SOCS5: variants seen among roughly 807,000 people sequenced by gnomAD.
SOCS5 encodes the protein suppressor of cytokine signaling 5, also known as CIS-6.
A neutral mutation model predicts 42.8 loss-of-function variants in SOCS5; 32 were observed. That is an observed-to-expected ratio of 0.75 (90% CI 0.56 to 1.01). The LOEUF (loss-of-function observed/expected upper bound fraction) is 1.01. Among genes scored for constraint, SOCS5 ranks in the 50% least tolerant of loss-of-function variants. SOCS5 has a pLI of 0.00. For missense variants in SOCS5, 627 were observed against 653.0 expected (o/e 0.96, Z 0.43); for synonymous variants, 283 against 229.6 (o/e 1.23, Z -2.10).
At chr2:46,719,516 G>T (rs189489445) in intron 1 of SOCS5, among the ~76,000 whole-genome samples, 1 of 152,038 alleles carries the variant, frequency 6.6e-6, no homozygotes, top group Non-Finnish European at 1.5e-5. Flanking sequence ...TTCTCAGCCA[G>T]TGTTCCTGCC....
chr2:46,738,366 G>A (rs1296868596), intron 1 of SOCS5, among the ~76,000 whole-genome samples: 2 of 152,088 alleles, frequency 1.3e-5, no homozygotes, highest in Non-Finnish European at 2.9e-5. Flanking sequence ...GGGACATCTT[G>A]AAAAAAGAAA....
At chr2:46,732,330 T>C (rs1439314984) in intron 1 of SOCS5, among the ~76,000 whole-genome samples, 1 of 152,144 alleles carries the variant, frequency 6.6e-6, no homozygotes, top group Non-Finnish European at 1.5e-5. Context: ...ACAGGGAAGA[T>C]GATGAGTGAA....
chr2:46,744,056 C>T (rs6711782), intron 1 of SOCS5, among the ~76,000 whole-genome samples: 7,224 of 151,892 alleles, frequency 0.048, 633 homozygotes, highest in African/African-American at 0.17. Context: ...GTGGCGCAAT[C>T]TCAGCTCACT....
At chr2:46,751,388 A>G (rs1673619446) in intron 1 of SOCS5, among the ~76,000 whole-genome samples, 1 of 152,108 alleles carries the variant, frequency 6.6e-6, no homozygotes, top group Admixed American at 6.6e-5. Context: ...CATCTCTGAC[A>G]TAGTTTACTT....
intron 1 of SOCS5, among the ~76,000 whole-genome samples, chr2:46,736,528 T>A (rs1673249664): frequency 6.6e-6 from 1 of 152,202 alleles, no homozygotes; most frequent in Non-Finnish European, 1.5e-5. Context: ...ACTGTCTGTC[T>A]CTATGAATTT....
chr2:46,744,023 T>A (rs535564997), intron 1 of SOCS5, among the ~76,000 whole-genome samples: 3 of 151,936 alleles, frequency 2.0e-5, no homozygotes, highest in African/African-American at 7.2e-5. Flanking sequence ...GGCATCTCAC[T>A]CTGTCCACCA....
intron 1 of SOCS5, among the ~76,000 whole-genome samples, chr2:46,752,867 T>G (rs901771104): frequency 2.0e-5 from 3 of 152,208 alleles, no homozygotes; most frequent in Admixed American, 2.0e-4. Context: ...TAAGCAAGAC[T>G]CCTAGTGTCA....
At position 46,758,735 on chromosome 2, in the gene SOCS5, T is replaced by G; in HGVS notation, c.205T>G (p.Leu69Val). Reference protein sequence around the residue: ...LRENIALQLGLSPSKNSSRRN... With the variant: ...LRENIALQLGVSPSKNSSRRN... ...AGAAAATATTGCCTTACAACTGGGA[T>G]TAAGCCCTTCGAAGAATTCTTCAAG... The change falls in exon 2 of 2, where the codon TTA becomes GTA. Residue 69 changes from leucine (L) to valine (V), a missense_variant. Physicochemically the swap from Leu to Val is conservative, Grantham distance 32. This residue lies in a region of SOCS5 where 278 missense variants were observed against 246.3 expected (regional missense o/e 1.13). Transcript: ENST00000394861. 3.1e-6 allele frequency: 5 copies of G among 1,614,106 alleles called. No homozygotes were observed. The highest frequency in any genetic ancestry group is 3.4e-6 in the Non-Finnish European group (4 of 1,179,982).
chr2:46,702,251 C>A (rs1025502182), intron 1 of SOCS5, among the ~76,000 whole-genome samples: 3 of 152,154 alleles, frequency 2.0e-5, no homozygotes, highest in African/African-American at 7.2e-5. Flanking sequence ...GCTGTACACG[C>A]ACTTTCAAGT....
chr2:46,704,868 T>A (rs1308301606), intron 1 of SOCS5, among the ~76,000 whole-genome samples: 2 of 152,160 alleles, frequency 1.3e-5, no homozygotes, highest in Admixed American at 1.3e-4. Flanking sequence ...TTTGGAGGTG[T>A]TGATACTCCA....
chr2:46,727,014 C>T (rs1673009235), intron 1 of SOCS5, among the ~76,000 whole-genome samples: 1 of 152,022 alleles, frequency 6.6e-6, no homozygotes, highest in African/African-American at 2.4e-5. Context: ...CCTCAGCCTC[C>T]CAAAGTTCTG....
intron 1 of SOCS5, among the ~76,000 whole-genome samples, chr2:46,732,013 G>A (rs1285098181): frequency 6.6e-6 from 1 of 152,206 alleles, no homozygotes; most frequent in Non-Finnish European, 1.5e-5. Context: ...GATGGCTGTG[G>A]CTGGTAACTT....
chr2:46,723,904 G>A (rs1672938263), intron 1 of SOCS5, among the ~76,000 whole-genome samples: 1 of 151,972 alleles, frequency 6.6e-6, no homozygotes, highest in African/African-American at 2.4e-5. Context: ...CTTGAATGTG[G>A]TAGCTCTCTG....
chr2:46,704,277 G>T (rs1319362054), intron 1 of SOCS5, among the ~76,000 whole-genome samples: 1 of 152,182 alleles, frequency 6.6e-6, no homozygotes, highest in Non-Finnish European at 1.5e-5. Flanking sequence ...ACAATGTCCA[G>T]TCTTCCTATT....
At chr2:46,741,290 A>T (rs935230020) in intron 1 of SOCS5, among the ~76,000 whole-genome samples, 1 of 152,072 alleles carries the variant, frequency 6.6e-6, no homozygotes, top group African/African-American at 2.4e-5. Flanking sequence ...CTCAGGCTGG[A>T]GTGCAGTGGT....
intron 1 of SOCS5, among the ~76,000 whole-genome samples, chr2:46,746,910 A>C (rs1015994094): frequency 1.7e-5 from 2 of 115,522 alleles, no homozygotes; most frequent in African/African-American, 6.3e-5. Context: ...TCCAATTTGC[A>C]TGACTTTATT....
chr2:46,709,364 G>C (rs781008583), intron 1 of SOCS5, among the ~76,000 whole-genome samples: 7 of 152,218 alleles, frequency 4.6e-5, no homozygotes, highest in Non-Finnish European at 8.8e-5. Flanking sequence ...TTGTCATAAA[G>C]ATGAGGTGTC....
intron 1 of SOCS5, among the ~76,000 whole-genome samples, chr2:46,757,062 T>C (rs1673747297): frequency 6.6e-6 from 1 of 152,228 alleles, no homozygotes; most frequent in African/African-American, 2.4e-5. Flanking sequence ...CATCTGAAAG[T>C]ACATTTTATA....
chr2:46,708,734 C>A (rs540584105), intron 1 of SOCS5, among the ~76,000 whole-genome samples: 1 of 152,134 alleles, frequency 6.6e-6, no homozygotes, highest in Non-Finnish European at 1.5e-5. Context: ...TTCCTGCCTT[C>A]GGAATCCTGG....
Sources: allele counts gnomAD v4.1 joint callset (sites outside exome capture counted in the v4.1 genomes callset), GRCh38; gene constraint gnomAD v4.1.1; regional missense constraint gnomAD v4.1.1; transcripts MANE v1.5; gene names NCBI Gene and HGNC (gene_info 2026-07-23, HGNC 2026-07-21).